ZNF320: variants seen among roughly 807,000 people sequenced by gnomAD.
The protein encoded by ZNF320 is zinc finger gene 320.
Under a neutral mutation model 6.8 loss-of-function variants are expected in ZNF320, and 2 were observed. The ratio of observed to expected loss-of-function variants is 0.29; its 90% CI spans 0.12 to 0.93. The LOEUF (loss-of-function observed/expected upper bound fraction) is 0.93, where lower values mean the gene tolerates loss of function less well. Among genes scored for constraint, ZNF320 ranks in the 40% least tolerant of loss-of-function variants. ZNF320 has a pLI of 0.55. For synonymous variants in ZNF320, 208 were observed against 203.2 expected, an observed-to-expected ratio of 1.02 and a Z score of -0.20; for missense variants, 472 against 611.0, an observed-to-expected ratio of 0.77 and a Z score of 2.40.
Position 52,880,562 on chromosome 19 carries a change from T to G in ZNF320, c.*34A>C, listed in dbSNP as rs770249543. On this transcript the variant is annotated 3_prime_UTR_variant, in exon 6 of 6. Coordinates refer to ENST00000682928, the MANE Select transcript of ZNF320 (RefSeq NM_001351774.2). Reference sequence around the variant, plus strand: ...TGCTTGAAATCAATGTTAAGTCAACTCAAACTCAGGTCAATGCTGATTTGA... The same window carrying G: ...TGCTTGAAATCAATGTTAAGTCAACGCAAACTCAGGTCAATGCTGATTTGA... The G allele has an allele frequency of 1.3e-6, 2 of 1,555,772 alleles. No individual in the cohort carries two copies. The highest frequency in any genetic ancestry group is 1.9e-5 in the Admixed American group (1 of 51,758).
chr19:52,872,370 T>C (rs2063694782), downstream of ZNF320, among the ~76,000 whole-genome samples: 1 of 152,016 alleles, frequency 6.6e-6, no homozygotes, highest in Non-Finnish European at 1.5e-5. Flanking sequence ...CCTCAGAAGG[T>C]GGAGATAAGA....
downstream of ZNF320, among the ~76,000 whole-genome samples, chr19:52,860,597 CAAAAA>C (rs113315558): frequency 8.4e-6 from 1 of 118,870 alleles, no homozygotes; most frequent in East Asian, 2.5e-4. Flanking sequence ...GAAACGGCAT[CAAAAA>C]AAAAAAAAGA....
rs773795610 is a variant in ZNF320, at chr19:52,880,569, C to G, written c.*27G>C. ...AATCAATGTTAAGTCAACTCAAACTCAGGTCAATGCTGATTTGACTCTGAT... is the reference window on the plus strand; with the variant it reads ...AATCAATGTTAAGTCAACTCAAACTGAGGTCAATGCTGATTTGACTCTGAT... On this transcript the variant is annotated 3_prime_UTR_variant, in exon 6 of 6. Coordinates refer to ENST00000682928, the MANE Select transcript of ZNF320 (RefSeq NM_001351774.2). The G allele has an allele frequency of 6.4e-7, 1 of 1,561,818 alleles. No individual in the cohort carries two copies. The highest frequency in any genetic ancestry group is 2.2e-5 in the East Asian group (1 of 44,570).
intron 5 of ZNF320, among the ~76,000 whole-genome samples, chr19:52,868,036 T>A (rs1340875825): frequency 6.9e-6 from 1 of 143,930 alleles, no homozygotes; most frequent in African/African-American, 2.7e-5. Context: ...TGAGCCACCA[T>A]GGCCAGCCAG....
At chr19:52,888,629 C>CAAAAT (rs1457159324) in intron 4 of ZNF320, among the ~76,000 whole-genome samples, 2 of 142,050 alleles carry the variant, frequency 1.4e-5, no homozygotes, top group African/African-American at 5.3e-5. Context: ...GACTCTCTCT[C>CAAAAT]AAAATAAAAT....
chr19:52,891,187 A>C (rs1186427201), intron 3 of ZNF320, 42 bp downstream of exon 3: 1 of 152,062 alleles, frequency 6.6e-6, no homozygotes, highest in South Asian at 2.1e-4. Flanking sequence ...ACAAAACTAC[A>C]AATACAAAAA....
upstream of ZNF320, among the ~76,000 whole-genome samples, chr19:52,897,976 C>T (rs2064526065): frequency 6.6e-6 from 1 of 152,206 alleles, no homozygotes; most frequent in Non-Finnish European, 1.5e-5. Flanking sequence ...AGCAGCTCAG[C>T]AGTCATTGAA....
chr19:52,865,715 A>C (rs1311662517), intron 5 of ZNF320, among the ~76,000 whole-genome samples: 1 of 128,180 alleles, frequency 7.8e-6, no homozygotes, highest in Non-Finnish European at 1.5e-5. Context: ...ATATATGATT[A>C]TACACATATT....
chr19:52,869,018 A>G (rs2063631087), intron 5 of ZNF320, among the ~76,000 whole-genome samples: 1 of 152,108 alleles, frequency 6.6e-6, no homozygotes, highest in South Asian at 2.1e-4. Context: ...AGATCAATGT[A>G]TCATGTGAGG....
intron 5 of ZNF320, among the ~76,000 whole-genome samples, chr19:52,867,214 T>G (rs2147775204): frequency 6.6e-6 from 1 of 152,292 alleles, no homozygotes; most frequent in Admixed American, 6.5e-5. Flanking sequence ...GTATTTATTT[T>G]TTGAGATGGA....
chr19:52,898,520 CAG>C, upstream of ZNF320, among the ~76,000 whole-genome samples: 1 of 152,330 alleles, frequency 6.6e-6, no homozygotes, highest in Non-Finnish European at 1.5e-5. Context: ...GACATTGTAA[CAG>C]TGTGTAGCAG....
intron 5 of ZNF320, among the ~76,000 whole-genome samples, chr19:52,866,455 G>A (rs965136774): frequency 6.6e-6 from 1 of 151,978 alleles, no homozygotes; most frequent in South Asian, 2.1e-4. Flanking sequence ...GAAAAACTGG[G>A]AAGGACTCAC....
downstream of ZNF320, among the ~76,000 whole-genome samples, chr19:52,860,197 C>A (rs1419321659): frequency 6.6e-6 from 1 of 152,270 alleles, no homozygotes; most frequent in Non-Finnish European, 1.5e-5. Flanking sequence ...CAGGCGTGAG[C>A]CACTGCACCT....
intron 5 of ZNF320, among the ~76,000 whole-genome samples, chr19:52,867,229 C>A (rs2063593349): frequency 6.6e-6 from 1 of 152,072 alleles, no homozygotes; most frequent in Non-Finnish European, 1.5e-5. Flanking sequence ...GATGGAGTCT[C>A]ACTCTGTTGC....
intron 5 of ZNF320, among the ~76,000 whole-genome samples, chr19:52,865,667 ATAT>A (rs1382938827): frequency 8.2e-6 from 1 of 121,876 alleles, no homozygotes; most frequent in Non-Finnish European, 1.6e-5. Context: ...TTATACATAT[ATAT>A]TATATGATTA....
At chr19:52,885,929 A>C (rs1483261053) in intron 5 of ZNF320, among the ~76,000 whole-genome samples, 1 of 152,094 alleles carries the variant, frequency 6.6e-6, no homozygotes, top group Non-Finnish European at 1.5e-5. Context: ...TAATTAATTA[A>C]TAAAAGGACA....
chr19:52,873,719 C>T (rs995418749), downstream of ZNF320, among the ~76,000 whole-genome samples: 1 of 152,206 alleles, frequency 6.6e-6, no homozygotes, highest in Non-Finnish European at 1.5e-5. Flanking sequence ...CCCAACATCA[C>T]TGACACCATG....
upstream of ZNF320, among the ~76,000 whole-genome samples, chr19:52,900,752 T>G (rs8110309): frequency 0.49 from 74,630 of 151,586 alleles, 18,908 homozygotes; most frequent in South Asian, 0.57. Flanking sequence ...TTTGTGATTA[T>G]CAATTTTAAA....
intron 5 of ZNF320, among the ~76,000 whole-genome samples, chr19:52,886,959 A>G (rs1670067060): frequency 7.4e-6 from 1 of 136,036 alleles, no homozygotes; most frequent in South Asian, 2.5e-4. Context: ...AGAAGAAAGA[A>G]AGAAAGAAAA....
Sources: allele counts gnomAD v4.1 joint callset (sites outside exome capture counted in the v4.1 genomes callset), GRCh38; gene constraint gnomAD v4.1.1; transcripts MANE v1.5; gene names NCBI Gene and HGNC (gene_info 2026-07-23, HGNC 2026-07-21).